PIAS2: variants seen among roughly 807,000 people sequenced by gnomAD.
PIAS2 encodes protein inhibitor of activated STAT 2.
Under a neutral mutation model 69.7 loss-of-function variants are expected in PIAS2, and 19 were observed. That is an observed-to-expected ratio of 0.27 (90% confidence interval 0.19 to 0.40). The LOEUF is 0.40. Among genes scored for constraint, PIAS2 ranks in the 10% least tolerant of loss-of-function variants. PIAS2 has a pLI of 1.00. For missense variants in PIAS2, 624 were observed against 757.0 expected, an observed-to-expected ratio of 0.82 and a Z score of 2.06; for synonymous variants, 261 against 263.2, an observed-to-expected ratio of 0.99 and a Z score of 0.08.
intron 1 of PIAS2, among the ~76,000 whole-genome samples, chr18:46,897,214 T>G (rs1315389067): frequency 6.6e-6 from 1 of 152,110 alleles, no homozygotes; most frequent in Non-Finnish European, 1.5e-5. Flanking sequence ...GAAGGTGAGG[T>G]AAAAAAGCGG....
chr18:46,805,178 A>C lies in PIAS2; in HGVS notation c.*7255T>G, dbSNP rs1188767104. On this transcript the variant is annotated 3_prime_UTR_variant, in exon 14 of 14. Coordinates refer to ENST00000585916, the MANE Select transcript of PIAS2 (RefSeq NM_004671.5). ...ATAACTGATGAGAATGGGCAAAGGA[A>C]CTATGCTACGTCATGTCGGAGGATG... is the stretch of plus-strand genomic sequence containing the variant. 1 of 152,222 alleles carries C rather than the reference A, an allele frequency of 6.6e-6. No homozygotes were observed. The highest frequency in any genetic ancestry group is 1.5e-5 in the Non-Finnish European group (1 of 68,060). The allele number at this position is 152,222 out of a possible 1,614,324, so 9.4% of individuals were successfully genotyped here. A position where few individuals can be genotyped will look rare whatever the true frequency, so the allele number is the denominator to read the frequency against.
At chr18:46,904,332 A>C (rs2056297589) in intron 1 of PIAS2, 1 of 152,246 alleles carries the variant, frequency 6.6e-6, no homozygotes, top group Admixed American at 6.5e-5. Flanking sequence ...ATCAGACTAG[A>C]TTTTTAATTT....
intron 5 of PIAS2, among the ~76,000 whole-genome samples, chr18:46,850,128 T>G (rs1234843382): frequency 6.6e-6 from 1 of 152,208 alleles, no homozygotes; most frequent in Non-Finnish European, 1.5e-5. Context: ...GAGAAAAAAG[T>G]ATAATATGTA....
chr18:46,841,982 A>G (rs562186323), intron 8 of PIAS2, among the ~76,000 whole-genome samples: 2 of 152,264 alleles, frequency 1.3e-5, no homozygotes, highest in African/African-American at 4.8e-5. Flanking sequence ...TAATCCCATT[A>G]TTTTGGGAGG....
chr18:46,823,022 G>C lies in PIAS2; in HGVS notation c.1509-1950C>G, dbSNP rs1282116135. ...GGAGGCCAAGGCAGGAGGATTGCTT[G>C]AGCTGGAAGTTTGAGACCAGACTAC... On this transcript the variant is annotated intron_variant, in intron 11 of 13. Transcript: ENST00000585916. Among the ~76,000 whole-genome samples the C allele has an allele frequency of 2.0e-5, 3 of 150,414 alleles. No individual in the cohort carries two copies. The South Asian group carries it at 6.3e-4, about 32-fold the overall frequency.
At chr18:46,909,333 A>G (rs2056998449) in intron 1 of PIAS2, among the ~76,000 whole-genome samples, 2 of 152,084 alleles carry the variant, frequency 1.3e-5, no homozygotes, top group African/African-American at 4.8e-5. Context: ...ATCACAGCTC[A>G]CTTCCTAGCT....
chr18:46,857,283 A>G (rs2047982611), intron 3 of PIAS2, among the ~76,000 whole-genome samples: 1 of 152,236 alleles, frequency 6.6e-6, no homozygotes, highest in Non-Finnish European at 1.5e-5. Context: ...AGACAAATAC[A>G]ACACAGTATT....
chr18:46,818,193 C>A, intron 12 of PIAS2: 1 of 1,170,024 alleles, frequency 8.5e-7, no homozygotes, highest in Non-Finnish European at 1.1e-6. Context: ...AAACTTTTAA[C>A]AAAACATAAC....
intron 2 of PIAS2, among the ~76,000 whole-genome samples, chr18:46,878,292 T>C (rs938958903): frequency 1.5e-4 from 23 of 152,212 alleles, no homozygotes; most frequent in Non-Finnish European, 3.1e-4. Flanking sequence ...AGTAAGATAC[T>C]ATACATGTAA....
intron 1 of PIAS2, among the ~76,000 whole-genome samples, chr18:46,899,106 A>G (rs1176017087): frequency 6.6e-6 from 1 of 152,194 alleles, no homozygotes; most frequent in Non-Finnish European, 1.5e-5. Flanking sequence ...TAAATATAAA[A>G]AAATTCCAAC....
intron 3 of PIAS2, among the ~76,000 whole-genome samples, chr18:46,861,499 G>A (rs1451809312): frequency 6.6e-6 from 1 of 152,128 alleles, no homozygotes; most frequent in African/African-American, 2.4e-5. Context: ...GGAACAAACA[G>A]TAACTTTACA....
intron 2 of PIAS2, among the ~76,000 whole-genome samples, chr18:46,888,839 T>A (rs545123282): frequency 1.3e-5 from 2 of 152,320 alleles, no homozygotes; most frequent in East Asian, 3.9e-4. Context: ...CACCTCCCGC[T>A]GTGCGACCTG....
intron 3 of PIAS2, among the ~76,000 whole-genome samples, chr18:46,856,851 C>T (rs1376968598): frequency 6.6e-6 from 1 of 152,182 alleles, no homozygotes; most frequent in Non-Finnish European, 1.5e-5. Flanking sequence ...GTCTACTCAC[C>T]GTTCCCAATC....
chr18:46,848,436 G>A (rs72907177), intron 5 of PIAS2, among the ~76,000 whole-genome samples: 8,878 of 152,176 alleles, frequency 0.058, 306 homozygotes, highest in Non-Finnish European at 0.082. Context: ...ATGATAATAC[G>A]TCACAGCTGA....
At chr18:46,916,708 A>C in intron 1 of PIAS2, 1 of 529,670 alleles carries the variant, frequency 1.9e-6, no homozygotes. Flanking sequence ...TTTCTTACTA[A>C]AACACTAAGA....
chr18:46,862,438 T>C (rs966693945), intron 3 of PIAS2, among the ~76,000 whole-genome samples: 2 of 152,308 alleles, frequency 1.3e-5, no homozygotes, highest in East Asian at 3.9e-4. Context: ...AGTGTTCTAA[T>C]TAATATCTGA....
At chr18:46,855,924 G>C (rs983108451) in intron 3 of PIAS2, among the ~76,000 whole-genome samples, 5 of 150,706 alleles carry the variant, frequency 3.3e-5, no homozygotes, top group South Asian at 2.1e-4. Flanking sequence ...CCTAAGTTCG[G>C]AAAGAGTTTT....
intron 8 of PIAS2, among the ~76,000 whole-genome samples, chr18:46,837,550 T>C (rs2044637686): frequency 6.6e-6 from 1 of 152,228 alleles, no homozygotes; most frequent in Non-Finnish European, 1.5e-5. Flanking sequence ...AGGCACTCTT[T>C]ATATAAGAAA....
chr18:46,828,542 C>T lies in PIAS2; in HGVS notation c.1337-412G>A, dbSNP rs376288813. 5.3e-5 allele frequency among the ~76,000 whole-genome samples: 8 copies of T among 152,164 alleles called. 1 individual carries two copies. Among genetic ancestry groups the T allele is most frequent in the Admixed American group, 3.9e-4 (6 of 15,272 alleles). The stretch of plus-strand genomic sequence containing the variant: ...GGTGAGTTCAACAGCTATGTATTCT[C>T]GCACACATGTGGCACAGTTAGCTCA... On this transcript the variant is annotated intron_variant, in intron 10 of 13. Transcript: ENST00000585916.
Sources: gnomAD v4.1 joint callset for allele counts (sites outside exome capture counted in the v4.1 genomes callset) on GRCh38, gnomAD v4.1.1 for gene constraint, MANE v1.5 for transcripts, NCBI Gene and HGNC (gene_info 2026-07-23, HGNC 2026-07-21) for gene names.